Variants in DOK6 observed in about 807,000 individuals in gnomAD.
The protein encoded by DOK6 is downstream of tyrosine kinase 6.
In DOK6, 22 loss-of-function variants were observed where a neutral mutation model predicts 44.0. That is an observed-to-expected ratio of 0.50 (90% CI 0.36 to 0.71). The LOEUF is 0.71. DOK6 is among the 30% of genes least tolerant of loss of function. DOK6 has a pLI of 0.00. For synonymous variants in DOK6, 166 were observed against 145.5 expected (o/e 1.14, Z -1.01); for missense variants, 340 against 416.4 (o/e 0.82, Z 1.60).
At chr18:69,648,382 G>A (rs1985138412) in intron 3 of DOK6, among the ~76,000 whole-genome samples, 2 of 152,014 alleles carry the variant, frequency 1.3e-5, no homozygotes, top group Non-Finnish European at 2.9e-5. Context: ...CCTGAGTCAC[G>A]AATTTACCTG....
intron 5 of DOK6, among the ~76,000 whole-genome samples, chr18:69,715,219 G>A (rs1489703362): frequency 6.6e-6 from 1 of 152,092 alleles, no homozygotes; most frequent in African/African-American, 2.4e-5. Flanking sequence ...TTTTGCCCAG[G>A]CCACGCAGTT....
At chr18:69,684,226 A>G (rs1986101720) in intron 4 of DOK6, among the ~76,000 whole-genome samples, 1 of 152,194 alleles carries the variant, frequency 6.6e-6, no homozygotes, top group South Asian at 2.1e-4. Context: ...TTCAATACAC[A>G]CTACACCAGA....
intron 5 of DOK6, among the ~76,000 whole-genome samples, chr18:69,701,181 T>C (rs1299437918): frequency 1.3e-5 from 2 of 152,206 alleles, no homozygotes; most frequent in Non-Finnish European, 2.9e-5. Context: ...TAATTATAAT[T>C]ATATGCCATA....
intron 1 of DOK6, among the ~76,000 whole-genome samples, chr18:69,456,183 C>CT (rs988100884): frequency 6.6e-6 from 1 of 152,098 alleles, no homozygotes; most frequent in Non-Finnish European, 1.5e-5. Context: ...AAAATTAAGC[C>CT]TTTTTTTCCT....
chr18:69,783,926 G>T (rs1183661080), intron 7 of DOK6, among the ~76,000 whole-genome samples: 2 of 152,152 alleles, frequency 1.3e-5, no homozygotes, highest in African/African-American at 4.8e-5. Context: ...GGGCGTGGTG[G>T]TTTATGCCTG....
intron 1 of DOK6, among the ~76,000 whole-genome samples, chr18:69,516,122 G>A (rs1981514626): frequency 6.6e-6 from 1 of 152,208 alleles, no homozygotes; most frequent in Admixed American, 6.5e-5. Context: ...GGTCACCCTG[G>A]AGTGTCTGGT....
intron 2 of DOK6, among the ~76,000 whole-genome samples, chr18:69,568,281 A>T (rs560129087): frequency 6.6e-6 from 1 of 152,374 alleles, no homozygotes; most frequent in East Asian, 1.9e-4. Flanking sequence ...TGTTATGGCT[A>T]CATAGCTGTG....
intron 3 of DOK6, among the ~76,000 whole-genome samples, chr18:69,639,512 G>A (rs577776441): frequency 6.6e-6 from 1 of 152,262 alleles, no homozygotes; most frequent in South Asian, 2.1e-4. Context: ...ATAGCTTTCT[G>A]AAAACCTGGT....
chr18:69,633,452 A>T (rs111404047), intron 3 of DOK6, among the ~76,000 whole-genome samples: 1,970 of 152,316 alleles, frequency 0.013, 33 homozygotes, highest in African/African-American at 0.045. Context: ...CCTGCAGAAC[A>T]TATTCTGCCT....
In DOK6 at chr18:69,605,150, TCATTTTGCAG is replaced by T. The variant is rs916951390; in HGVS notation, c.289+5657_289+5666del. Among the ~76,000 whole-genome samples, 32 of 148,182 alleles carry T rather than the reference TCATTTTGCAG, an allele frequency of 2.2e-4. No homozygotes were observed. In the East Asian group the frequency reaches 6.4e-3, roughly 29 times the overall value. ...TGTTTCAGAATCAGCTGAGACCAAA[TCATTTTGCAG>T]CATTCAAGAAGTATTGGTCATTTTT... On this transcript the variant is annotated intron_variant, in intron 3 of 7. Coordinates refer to ENST00000382713, the MANE Select transcript of DOK6 (RefSeq NM_152721.6).
At chr18:69,691,022 T>C (rs920857505) in intron 4 of DOK6, among the ~76,000 whole-genome samples, 2 of 151,802 alleles carry the variant, frequency 1.3e-5, no homozygotes, top group African/African-American at 2.4e-5. Flanking sequence ...CTGTCTCTAC[T>C]AAAAATTCAA....
chr18:69,782,452 C>T (rs996753016), intron 7 of DOK6, among the ~76,000 whole-genome samples: 1 of 151,990 alleles, frequency 6.6e-6, no homozygotes, highest in Non-Finnish European at 1.5e-5. Context: ...ACCTCGTGAT[C>T]CCCCCGCCTC....
At chr18:69,704,195 A>G (rs1018934298) in intron 5 of DOK6, among the ~76,000 whole-genome samples, 1 of 152,222 alleles carries the variant, frequency 6.6e-6, no homozygotes, top group Admixed American at 6.5e-5. Context: ...TGTTATTTCT[A>G]TTAATAGCCC....
intron 2 of DOK6, 37 bp downstream of exon 2, chr18:69,564,631 G>T (rs1726488088): frequency 6.5e-7 from 1 of 1,527,542 alleles, no homozygotes; most frequent in Non-Finnish European, 9.0e-7. Flanking sequence ...GGGAATAACT[G>T]GGCCCTTGAA....
intron 7 of DOK6, among the ~76,000 whole-genome samples, chr18:69,775,013 GAT>G (rs1227514305): frequency 4.0e-5 from 6 of 151,886 alleles, no homozygotes; most frequent in African/African-American, 1.4e-4. Flanking sequence ...ATTGACATCA[GAT>G]ATCTCAATAG....
At chr18:69,523,903 G>T (rs538900406) in intron 1 of DOK6, among the ~76,000 whole-genome samples, 1 of 152,068 alleles carries the variant, frequency 6.6e-6, no homozygotes, top group South Asian at 2.1e-4. Context: ...CATTCTCAGA[G>T]CATGATCTAA....
At chr18:69,580,686 T>C (rs1983347248) in intron 2 of DOK6, among the ~76,000 whole-genome samples, 1 of 152,202 alleles carries the variant, frequency 6.6e-6, no homozygotes, top group Non-Finnish European at 1.5e-5. Flanking sequence ...GTGTTGAGAA[T>C]GTTAATCATC....
At chr18:69,455,433 G>T (rs1979607717) in intron 1 of DOK6, among the ~76,000 whole-genome samples, 1 of 152,158 alleles carries the variant, frequency 6.6e-6, no homozygotes, top group Non-Finnish European at 1.5e-5. Flanking sequence ...TTGCATGTGT[G>T]TGTTTGTTTT....
At chr18:69,710,901 C>T (rs924548279) in intron 5 of DOK6, among the ~76,000 whole-genome samples, 13 of 152,186 alleles carry the variant, frequency 8.5e-5, no homozygotes, top group Admixed American at 6.5e-4. Flanking sequence ...CTGACCCAAG[C>T]AAGGCTGTGT....
Sources: allele counts gnomAD v4.1 joint callset (sites outside exome capture counted in the v4.1 genomes callset), GRCh38; gene constraint gnomAD v4.1.1; transcripts MANE v1.5; gene names NCBI Gene and HGNC (gene_info 2026-07-23, HGNC 2026-07-21).